Variants in HYDIN observed in about 807,000 individuals in gnomAD.
The protein encoded by HYDIN is HYDIN axonemal central pair apparatus protein, also known as axonemal central pair apparatus protein HYDIN.
HYDIN carries 132 observed loss-of-function variants against 403.9 expected under a neutral mutation model. That is an observed-to-expected ratio of 0.33 (90% confidence interval 0.28 to 0.38). The LOEUF (loss-of-function observed/expected upper bound fraction) is 0.38. HYDIN is among the 10% of genes least tolerant of loss of function. HYDIN has a pLI of 1.00. For synonymous variants in HYDIN, 1,202 were observed against 1,891.7 expected, an observed-to-expected ratio of 0.64 and a Z score of 9.46; for missense variants, 2,827 against 5,009.5, an observed-to-expected ratio of 0.56 and a Z score of 13.15.
rs141755681 is a variant in HYDIN at position 71,164,959 on chromosome 16, T to G, written c.517-2229A>C. ...TTTCTCAATTTCTTGATACAATCCA[T>G]AGGATCTACCTTCAAAATATATCCA... On this transcript the variant is annotated intron_variant, in intron 5 of 85. Coordinates refer to ENST00000393567, the MANE Select transcript of HYDIN (RefSeq NM_001270974.2). Among the ~76,000 whole-genome samples, 868 of 152,318 alleles carry G rather than the reference T, an allele frequency of 5.7e-3. 5 individuals carry two copies. Among genetic ancestry groups the G allele is most frequent in the Admixed American group, 0.011 (173 of 15,296 alleles).
intron 45 of HYDIN, among the ~76,000 whole-genome samples, chr16:70,922,785 CTTT>C (rs77860153): frequency 6.8e-4 from 75 of 110,042 alleles, no homozygotes; most frequent in African/African-American, 2.4e-3. Context: ...CTTTTATAAC[CTTT>C]TTTTTTTTTT....
chr16:70,851,684 TAAAAC>T (rs1016713364), intron 73 of HYDIN, among the ~76,000 whole-genome samples: 28 of 148,670 alleles, frequency 1.9e-4, no homozygotes, highest in African/African-American at 5.8e-4. Flanking sequence ...TCTAAGAACT[TAAAAC>T]AGAACTATCA....
chr16:71,014,551 A>C (rs988762698), intron 23 of HYDIN, among the ~76,000 whole-genome samples: 5 of 151,500 alleles, frequency 3.3e-5, no homozygotes, highest in African/African-American at 1.2e-4. Context: ...ACAGTGACTG[A>C]TGAGGAGTGG....
intron 76 of HYDIN, 126 bp downstream of exon 76, chr16:70,839,938 T>C (rs999816286): frequency 3.3e-6 from 2 of 614,592 alleles, no homozygotes; most frequent in Non-Finnish European, 5.6e-6. Context: ...TCATACCCAC[T>C]TTTGTTTGAC....
Position 70,970,512 on chromosome 16 carries a change from C to T in HYDIN, c.5619+8G>A, listed in dbSNP as rs768079842. Reference sequence around the variant, plus strand: ...GTAGAAAAACAGTTTGGTTTGACCTCTGCTCACCTTTTCTTCTATGAGATA... The same window carrying T: ...GTAGAAAAACAGTTTGGTTTGACCTTTGCTCACCTTTTCTTCTATGAGATA... On this transcript the variant is annotated splice_region_variant and intron_variant, in intron 36 of 85. Coordinates refer to ENST00000393567, the MANE Select transcript of HYDIN (RefSeq NM_001270974.2). 3.1e-6 allele frequency: 5 copies of T among 1,600,458 alleles called. No homozygotes were observed. The highest frequency in any genetic ancestry group is 4.3e-6 in the Non-Finnish European group (5 of 1,171,044).
intron 41 of HYDIN, among the ~76,000 whole-genome samples, chr16:70,948,835 T>C (rs1047920046): frequency 3.4e-5 from 5 of 148,356 alleles, no homozygotes; most frequent in Admixed American, 2.7e-4. Flanking sequence ...TGTGGAGAAA[T>C]AGGAACACTT....
chr16:71,203,849 G>C (rs1598023241), intron 1 of HYDIN: 3 of 454,598 alleles, frequency 6.6e-6, no homozygotes, highest in Non-Finnish European at 1.3e-5. Context: ...CAGATCACTT[G>C]AGCTCAGGAG....
chr16:70,862,144 G>C lies in HYDIN; in HGVS notation c.11681C>G (p.Pro3894Arg). Reference protein sequence around the residue: ...EGSPQPFSVEPSSGIVPVGKI... With the variant: ...EGSPQPFSVERSSGIVPVGKI... ...CCCCACCGGCACGATTCCCGAAGAG[G>C]GCTCCACAGAGAAGGGCTGTGGGGA... Residue 3894 changes from proline to arginine, a missense_variant, in exon 69 of 86, where the codon CCC (proline) becomes CGC (arginine). By Grantham distance (103) the Pro-to-Arg change is moderately radical (BLOSUM62 -2). Coordinates refer to ENST00000393567, the MANE Select transcript of HYDIN (RefSeq NM_001270974.2). 1 of 1,611,920 alleles carries C rather than the reference G, an allele frequency of 6.2e-7. No individual in the cohort carries two copies. The highest frequency in any genetic ancestry group is 8.5e-7 in the Non-Finnish European group (1 of 1,179,172).
intron 41 of HYDIN, among the ~76,000 whole-genome samples, chr16:70,948,450 G>A (rs1386548615): frequency 6.6e-6 from 1 of 150,452 alleles, no homozygotes; most frequent in African/African-American, 2.4e-5. Context: ...AGCCAAAATT[G>A]ACAAATGGGA....
At chr16:71,074,055 C>T (rs950564404) in intron 13 of HYDIN, among the ~76,000 whole-genome samples, 8 of 152,140 alleles carry the variant, frequency 5.3e-5, no homozygotes, top group Admixed American at 4.6e-4. Flanking sequence ...AAATAAATGC[C>T]ACATCTCCAA....
intron 31 of HYDIN, 120 bp downstream of exon 31, chr16:70,975,016 T>C (rs2078847218): frequency 5.7e-6 from 3 of 530,234 alleles, no homozygotes; most frequent in Admixed American, 3.4e-5. Flanking sequence ...GGAGAGTGGA[T>C]TTCATTGCGA....
At chr16:71,110,731 C>T (rs1351571883) in intron 10 of HYDIN, among the ~76,000 whole-genome samples, 2 of 148,440 alleles carry the variant, frequency 1.3e-5, no homozygotes, top group Non-Finnish European at 3.0e-5. Flanking sequence ...TACTTCTGCA[C>T]ATTCCTAGAC....
intron 45 of HYDIN, among the ~76,000 whole-genome samples, chr16:70,926,889 T>C (rs1280114996): frequency 1.2e-4 from 18 of 152,034 alleles, no homozygotes; most frequent in Non-Finnish European, 2.6e-4. Context: ...TAGACCTCAC[T>C]GAAAAAAAGA....
At chr16:71,145,418 C>G (rs1354723890) in intron 7 of HYDIN, among the ~76,000 whole-genome samples, 1 of 152,126 alleles carries the variant, frequency 6.6e-6, no homozygotes, top group Admixed American at 6.6e-5. Flanking sequence ...TCACACCCAG[C>G]TAATTTTTGT....
chr16:71,045,410 T>C (rs1305555918), intron 18 of HYDIN, among the ~76,000 whole-genome samples: 2 of 152,216 alleles, frequency 1.3e-5, no homozygotes, highest in Non-Finnish European at 2.9e-5. Context: ...TACTGCTTGA[T>C]TTCTCTATTT....
At position 71,219,911 on chromosome 16, in the gene HYDIN, T is replaced by A. The variant is rs138957311; in HGVS notation, c.-24+10651A>T. Reference sequence around the variant, plus strand: ...GAAGAAATTATTTGAAAGAAAAAGTTTGCCCTCAGGAATGAGTTGTCGTTT... The same window carrying A: ...GAAGAAATTATTTGAAAGAAAAAGTATGCCCTCAGGAATGAGTTGTCGTTT... On this transcript the variant is annotated intron_variant, in intron 1 of 85. Coordinates refer to ENST00000393567, the MANE Select transcript of HYDIN (RefSeq NM_001270974.2). 2.6e-4 allele frequency among the ~76,000 whole-genome samples: 40 copies of A among 152,302 alleles called. 1 individual carries two copies. The East Asian group carries it at 3.9e-3, about 15-fold the overall frequency.
chr16:70,892,671 G>C, intron 55 of HYDIN, 142 bp from the exon 56 acceptor site: 1 of 695,990 alleles, frequency 1.4e-6, no homozygotes. Context: ...ACTGTGCTTT[G>C]TACATCGTGA....
intron 23 of HYDIN, among the ~76,000 whole-genome samples, chr16:71,010,280 C>T (rs982293013): frequency 1.3e-5 from 2 of 152,116 alleles, no homozygotes; most frequent in Non-Finnish European, 2.9e-5. Flanking sequence ...AAAAGAAAAA[C>T]GCAAATACTT....
chr16:71,213,949 A>G (rs967351081), intron 1 of HYDIN, among the ~76,000 whole-genome samples: 2 of 152,136 alleles, frequency 1.3e-5, no homozygotes, highest in Admixed American at 6.5e-5. Flanking sequence ...TAATGCTGGA[A>G]GACAAAAAAG....
Sources: allele counts gnomAD v4.1 joint callset (sites outside exome capture counted in the v4.1 genomes callset), GRCh38; gene constraint gnomAD v4.1.1; transcripts MANE v1.5; gene names NCBI Gene and HGNC (gene_info 2026-07-23, HGNC 2026-07-21).